The following YKT6 variants were observed in gnomAD, a reference collection of about 807,000 sequenced individuals.
YKT6 encodes the protein synaptobrevin homolog YKT6.
Under a neutral mutation model 29.3 loss-of-function variants are expected in YKT6, and 12 were observed. That is an observed-to-expected ratio of 0.41 (90% CI 0.26 to 0.66). The LOEUF is 0.66. Among genes scored for constraint, YKT6 ranks in the 30% least tolerant of loss-of-function variants. YKT6 has a pLI of 0.32. For missense variants in YKT6, 188 were observed against 243.8 expected, an observed-to-expected ratio of 0.77 and a Z score of 1.52; for synonymous variants, 86 against 94.3, an observed-to-expected ratio of 0.91 and a Z score of 0.51.
intron 1 of YKT6, 49 bp from the exon 2 acceptor site, chr7:44,204,519 G>A (rs1226034970): frequency 6.3e-7 from 1 of 1,589,990 alleles, no homozygotes; most frequent in Non-Finnish European, 8.6e-7. Context: ...CACTGTGTTG[G>A]GGACAAGGTG....
chr7:44,211,706 A>G (rs2096347003), intron 6 of YKT6: 2 of 779,124 alleles, frequency 2.6e-6, no homozygotes, highest in Non-Finnish European at 3.1e-6. Context: ...ATTTGCTTTC[A>G]TGTGCACATT....
chr7:44,204,641 A>G lies in YKT6; in HGVS notation c.178A>G (p.Lys60Glu), dbSNP rs1286657456. The G allele has an allele frequency of 6.2e-7, 1 of 1,614,102 alleles. No homozygotes were observed. The highest frequency in any genetic ancestry group is 8.5e-7 in the Non-Finnish European group (1 of 1,180,042). ...RSSKGTRASV[K>E]EQDYLCHVYV... ...ATCGAAAGGCACTAGAGCTTCTGTC[A>G]AAGAACAAGGTAAGAAGACCCTCCA... Residue 60 changes from lysine (K) to glutamate (E), a missense_variant, in exon 2 of 7, where the codon AAA becomes GAA. Around this residue, in one of 3 missense-constraint regions of YKT6, gnomAD observed 100 missense variants for 136.3 expected, o/e 0.73. Coordinates refer to ENST00000223369, the MANE Select transcript of YKT6 (RefSeq NM_006555.4).
chr7:44,201,674 A>G (rs1192906714), intron 1 of YKT6, among the ~76,000 whole-genome samples: 1 of 152,152 alleles, frequency 6.6e-6, no homozygotes, highest in Non-Finnish European at 1.5e-5. Context: ...CTCGGTATTT[A>G]TATTTTAGAC....
intron 2 of YKT6, 71 bp downstream of exon 2, chr7:44,204,721 C>A: frequency 1.4e-6 from 2 of 1,444,576 alleles, no homozygotes; most frequent in Non-Finnish European, 1.9e-6. Flanking sequence ...TAGCACCCAG[C>A]TTTCTCCTTT....
At chr7:44,210,961 T>A in intron 5 of YKT6, 62 bp from the exon 6 acceptor site, 1 of 1,568,176 alleles carries the variant, frequency 6.4e-7, no homozygotes, top group South Asian at 1.1e-5. Context: ...GACTGAAATA[T>A]GAGGGGCTCA....
At chr7:44,208,581 G>A (rs180706909) in intron 5 of YKT6, 81 of 258,648 alleles carry the variant, frequency 3.1e-4, no homozygotes, top group African/African-American at 1.7e-3. Context: ...CCCTTGCAGC[G>A]TTTGCATTGA....
chr7:44,201,907 A>G (rs1486814732), intron 1 of YKT6, among the ~76,000 whole-genome samples: 1 of 152,228 alleles, frequency 6.6e-6, no homozygotes, highest in Non-Finnish European at 1.5e-5. Context: ...GTTGGACACT[A>G]GTGGTACAAA....
In YKT6 at chr7:44,206,378, T is replaced by C. The variant is rs780702963; in HGVS notation, c.188-7T>C. 6.2e-7 allele frequency: 1 copy of C among 1,613,948 alleles called. No homozygotes were observed. Among genetic ancestry groups the C allele is most frequent in the Non-Finnish European group, 8.5e-7 (1 of 1,179,908 alleles). ...GCATCCATGTGTCTGATCTCTTGTC[T>C]CCTTAGACTATCTGTGCCACGTCTA... is the stretch of plus-strand genomic sequence containing the variant. On this transcript the variant is annotated splice_polypyrimidine_tract_variant and splice_region_variant and intron_variant, in intron 2 of 6. Transcript: ENST00000223369.
At chr7:44,205,625 C>T (rs547715503) in intron 2 of YKT6, among the ~76,000 whole-genome samples, 1 of 152,320 alleles carries the variant, frequency 6.6e-6, no homozygotes, top group East Asian at 1.9e-4. Flanking sequence ...CAAGAAGGTT[C>T]TTATTTGTAA....
intron 5 of YKT6, among the ~76,000 whole-genome samples, chr7:44,210,504 A>G (rs1474953291): frequency 1.3e-5 from 2 of 152,326 alleles, no homozygotes. Context: ...CTAACTAGTT[A>G]CATCTGCCAA....
Position 44,201,015 on chromosome 7 carries a change from C to G in YKT6, c.-121C>G, listed in dbSNP as rs548357510. 9.8e-5 allele frequency: 73 copies of G among 748,688 alleles called. 1 individual carries two copies. Among genetic ancestry groups the G allele is most frequent in the Non-Finnish European group, 1.2e-4 (61 of 488,306 alleles). 46.4% of individuals were successfully genotyped at this position (748,688 alleles called of 1,614,324 possible). ...AGGAGGAGGAAGCCGGCGGTGGCCC[C>G]GTCAGCAGCCGGCTGCTGAGAGGCC... is the stretch of plus-strand genomic sequence containing the variant. On this transcript the variant is annotated 5_prime_UTR_variant, in exon 1 of 7. Transcript: ENST00000223369.
chr7:44,203,902 C>T (rs922454544), intron 1 of YKT6, among the ~76,000 whole-genome samples: 4 of 152,218 alleles, frequency 2.6e-5, no homozygotes, highest in African/African-American at 7.2e-5. Flanking sequence ...TCTGGCTGTA[C>T]CATCTCCTGT....
At chr7:44,211,673 A>C (rs1255743930) in intron 6 of YKT6, 1 of 962,694 alleles carries the variant, frequency 1.0e-6, no homozygotes, top group Non-Finnish European at 1.2e-6. Flanking sequence ...ATAGGGACAA[A>C]TTTACTTGGT....
In YKT6 at chr7:44,201,051, G is replaced by A. The variant is rs2096334783; in HGVS notation, c.-85G>A. 1 of 1,195,814 alleles carries A rather than the reference G, an allele frequency of 8.4e-7. No individual in the cohort carries two copies. Among genetic ancestry groups the A allele is most frequent in the East Asian group, 3.0e-5 (1 of 32,886 alleles). The allele number at this position is 1,195,814 out of a possible 1,614,324, so 74.1% of individuals were successfully genotyped here. ...GGCTGCTGAGAGGCCGGTAGGCGGCGGCGGTCCCGAGGGGCGGCGGCCGCG... is the reference window on the plus strand; with the variant it reads ...GGCTGCTGAGAGGCCGGTAGGCGGCAGCGGTCCCGAGGGGCGGCGGCCGCG... On this transcript the variant is annotated 5_prime_UTR_variant, in exon 1 of 7. Coordinates refer to ENST00000223369, the MANE Select transcript of YKT6 (RefSeq NM_006555.4).
chr7:44,209,258 G>A (rs1457015616), intron 5 of YKT6, among the ~76,000 whole-genome samples: 1 of 152,212 alleles, frequency 6.6e-6, no homozygotes, highest in African/African-American at 2.4e-5. Context: ...GTTGGCCTGC[G>A]ATGGAGCCTG....
chr7:44,208,790 C>G (rs2096343642), intron 5 of YKT6: 1 of 152,546 alleles, frequency 6.6e-6, no homozygotes, highest in Non-Finnish European at 1.5e-5. Flanking sequence ...ATCTGTTTTT[C>G]TCAGGTTTTT....
chr7:44,211,593 G>A (rs538226548), intron 6 of YKT6: 9 of 1,009,376 alleles, frequency 8.9e-6, no homozygotes, highest in Middle Eastern at 2.9e-4. Context: ...GCTGACTGCC[G>A]CTTTCTCTCA....
At chr7:44,203,640 A>G (rs1375132171) in intron 1 of YKT6, among the ~76,000 whole-genome samples, 1 of 152,192 alleles carries the variant, frequency 6.6e-6, no homozygotes, top group African/African-American at 2.4e-5. Flanking sequence ...CCCTCAAGAT[A>G]TTAACAAGTA....
chr7:44,205,909 A>C (rs2096340349), intron 2 of YKT6, among the ~76,000 whole-genome samples: 1 of 152,200 alleles, frequency 6.6e-6, no homozygotes, highest in South Asian at 2.1e-4. Flanking sequence ...TGGAAGACTG[A>C]GGCCCTGGGG....
Sources: gnomAD v4.1 joint callset for allele counts (sites outside exome capture counted in the v4.1 genomes callset) on GRCh38, gnomAD v4.1.1 for gene constraint, gnomAD v4.1.1 regional missense constraint, MANE v1.5 for transcripts, NCBI Gene and HGNC (gene_info 2026-07-23, HGNC 2026-07-21) for gene names.